The following ZSWIM6 variants were observed in gnomAD, a reference collection of about 807,000 sequenced individuals.
The protein encoded by ZSWIM6 is zinc finger SWIM domain-containing protein 6.
In ZSWIM6, 9 loss-of-function variants were observed where a neutral mutation model predicts 113.2. That is an observed-to-expected ratio of 0.08 (90% confidence interval 0.05 to 0.14). The LOEUF is 0.14. Among genes scored for constraint, ZSWIM6 ranks in the 10% least tolerant of loss-of-function variants. The pLI, the probability that ZSWIM6 is intolerant of heterozygous loss-of-function variation, is 1.00. For missense variants in ZSWIM6, 1,162 were observed against 1,552.2 expected (o/e 0.75, Z 4.22); for synonymous variants, 611 against 606.5 (o/e 1.01, Z -0.11).
intron 1 of ZSWIM6, among the ~76,000 whole-genome samples, chr5:61,407,740 T>G (rs1054459863): frequency 1.3e-5 from 2 of 152,210 alleles, no homozygotes; most frequent in Non-Finnish European, 2.9e-5. Context: ...ATGCCCAACT[T>G]CGTTCATAAT....
At chr5:61,511,123 A>G (rs1748776334) in intron 4 of ZSWIM6, among the ~76,000 whole-genome samples, 1 of 152,196 alleles carries the variant, frequency 6.6e-6, no homozygotes, top group Non-Finnish European at 1.5e-5. Context: ...TTAAGATAAA[A>G]GACCATATCT....
intron 4 of ZSWIM6, among the ~76,000 whole-genome samples, chr5:61,513,355 T>G (rs1748839785): frequency 6.6e-6 from 1 of 152,114 alleles, no homozygotes; most frequent in African/African-American, 2.4e-5. Context: ...TTGAGAGGAT[T>G]TACATATTCT....
chr5:61,543,923 A>G lies in ZSWIM6; in HGVS notation c.3254A>G (p.Asn1085Ser), dbSNP rs751434688. 10 of 1,551,866 alleles carry G rather than the reference A, an allele frequency of 6.4e-6. No individual in the cohort carries two copies. The South Asian group carries it at 9.5e-5, about 15-fold the overall frequency. The change falls in exon 14 of 14, where the codon AAT becomes AGT. Residue 1085 changes from asparagine (N) to serine (S), a missense_variant. Asn to Ser is a conservative substitution (Grantham distance 46). Coordinates refer to ENST00000252744, the MANE Select transcript of ZSWIM6 (RefSeq NM_020928.2). This position sits in a 1 kb window ranked among gnomAD's most constrained non-coding sequence, Gnocchi z 4.3. ...GCGCTTAGCCACTCCCTTGGTAAAA[A>G]TGAGCTTGCAGCTATAATACCTCTG... Reference protein sequence around the residue: ...ACALSHSLGKNELAAIIPLVV... With the variant: ...ACALSHSLGKSELAAIIPLVV...
At chr5:61,427,432 C>A (rs1397978764) in intron 1 of ZSWIM6, among the ~76,000 whole-genome samples, 1 of 152,132 alleles carries the variant, frequency 6.6e-6, no homozygotes, top group Admixed American at 6.5e-5. Flanking sequence ...CTGTACATGG[C>A]AAATTCAAGT....
intron 1 of ZSWIM6, among the ~76,000 whole-genome samples, chr5:61,383,125 C>T (rs1745519344): frequency 6.6e-6 from 1 of 152,224 alleles, no homozygotes; most frequent in Non-Finnish European, 1.5e-5. Flanking sequence ...GATCATCTTA[C>T]TTGAAAATGT....
intron 1 of ZSWIM6, chr5:61,391,148 G>T: frequency 1.3e-6 from 1 of 783,460 alleles, no homozygotes; most frequent in Non-Finnish European, 2.3e-6. Context: ...TGGGTCTTGT[G>T]GGGTAGCTTC....
chr5:61,361,259 G>A (rs1435760515), intron 1 of ZSWIM6, among the ~76,000 whole-genome samples: 1 of 152,048 alleles, frequency 6.6e-6, no homozygotes, highest in Non-Finnish European at 1.5e-5. Context: ...ACAAATAAAG[G>A]TAACTGAAAC....
intron 1 of ZSWIM6, among the ~76,000 whole-genome samples, chr5:61,408,274 G>A (rs1746081131): frequency 6.6e-6 from 1 of 152,186 alleles, no homozygotes. Flanking sequence ...TTTATCATGG[G>A]ATGAGAACAG....
chr5:61,463,082 G>A (rs1747351832), intron 1 of ZSWIM6, among the ~76,000 whole-genome samples: 1 of 152,104 alleles, frequency 6.6e-6, no homozygotes, highest in Admixed American at 6.5e-5. Flanking sequence ...CAGGGATGTT[G>A]TAAAACAGTC....
chr5:61,497,836 C>T (rs139194081), intron 4 of ZSWIM6, among the ~76,000 whole-genome samples: 422 of 152,314 alleles, frequency 2.8e-3, no homozygotes, highest in Non-Finnish European at 4.1e-3. Flanking sequence ...ATAGAACACA[C>T]ACCTCTTGAA....
At chr5:61,486,088 C>T (rs1048511046) in intron 2 of ZSWIM6, among the ~76,000 whole-genome samples, 1 of 151,870 alleles carries the variant, frequency 6.6e-6, no homozygotes, top group Non-Finnish European at 1.5e-5. Context: ...TACATTGTAC[C>T]CATTAAGTAA....
At chr5:61,346,369 T>C (rs1022606859) in intron 1 of ZSWIM6, among the ~76,000 whole-genome samples, 3 of 152,226 alleles carry the variant, frequency 2.0e-5, no homozygotes, top group African/African-American at 7.2e-5. Flanking sequence ...TTCATTGAAC[T>C]ATATCATAGT....
intron 6 of ZSWIM6, 40 bp downstream of exon 6, chr5:61,526,016 T>A (rs1238746300): frequency 2.6e-6 from 4 of 1,548,016 alleles, no homozygotes; most frequent in African/African-American, 1.4e-5. Flanking sequence ...ATGACTTACT[T>A]CTTTGTTTAG....
chr5:61,506,499 G>A (rs189741285), intron 4 of ZSWIM6, among the ~76,000 whole-genome samples: 56 of 151,822 alleles, frequency 3.7e-4, no homozygotes, highest in Non-Finnish European at 4.4e-4. Context: ...AGGAGAACTC[G>A]AGAGGCAGAG....
intron 1 of ZSWIM6, among the ~76,000 whole-genome samples, chr5:61,349,004 T>A (rs539042464): frequency 4.6e-5 from 7 of 152,288 alleles, no homozygotes; most frequent in East Asian, 1.9e-4. Context: ...CAGTTTTTTT[T>A]AATGAGAAAT....
intron 1 of ZSWIM6, among the ~76,000 whole-genome samples, chr5:61,368,512 T>G (rs930683716): frequency 6.6e-5 from 10 of 152,202 alleles, no homozygotes; most frequent in African/African-American, 2.4e-4. Flanking sequence ...CTCTGAGCAG[T>G]CTGCCTTTGG....
At chr5:61,424,021 G>T (rs1746410942) in intron 1 of ZSWIM6, among the ~76,000 whole-genome samples, 1 of 152,112 alleles carries the variant, frequency 6.6e-6, no homozygotes, top group Non-Finnish European at 1.5e-5. Flanking sequence ...GATCACTTCT[G>T]CTGATGGCCA....
rs1749267753 is a variant in ZSWIM6, at chr5:61,525,974, A to G, written c.1688A>G (p.His563Arg). Residue 563 changes from histidine (H) to arginine (R), a missense_variant and splice_region_variant, in exon 6 of 14, where the codon CAT becomes CGT. By Grantham distance (29) the His-to-Arg change is conservative. This residue lies in a region of ZSWIM6 where 620 missense variants were observed against 804.6 expected (regional missense o/e 0.77). Transcript: ENST00000252744. ...LFDSRGWPLW[H>R]EHVPTACARV... Reference sequence around the variant, plus strand: ...GACTCCCGCGGGTGGCCCCTCTGGCATGGTAAGTGACCAAACCGGAAAGAC... The same window carrying G: ...GACTCCCGCGGGTGGCCCCTCTGGCGTGGTAAGTGACCAAACCGGAAAGAC... 2.6e-6 allele frequency: 4 copies of G among 1,552,094 alleles called. No individual in the cohort carries two copies. The East Asian group carries it at 9.8e-5, about 38-fold the overall frequency.
chr5:61,543,749 A>G lies in ZSWIM6; in HGVS notation c.3080A>G (p.Tyr1027Cys), dbSNP rs757311369. ...GACGCTGCTACGACTGGCATGAGCT[A>G]TACACAGCTCTTTACAATAGCACGG... ...VLDAATTGMS[Y>C]TQLFTIARYM... Residue 1027 changes from tyrosine to cysteine, a missense_variant, in exon 14 of 14, where the codon TAT becomes TGT. Tyr to Cys is a radical substitution (Grantham distance 194). Coordinates refer to ENST00000252744, the MANE Select transcript of ZSWIM6 (RefSeq NM_020928.2). This position sits in a 1 kb window ranked among gnomAD's most constrained non-coding sequence, Gnocchi z 4.3. 1 of 1,551,790 alleles carries G rather than the reference A, an allele frequency of 6.4e-7. No individual in the cohort carries two copies. The highest frequency in any genetic ancestry group is 8.7e-7 in the Non-Finnish European group (1 of 1,147,020).
Sources: allele counts gnomAD v4.1 joint callset (sites outside exome capture counted in the v4.1 genomes callset), GRCh38; gene constraint gnomAD v4.1.1; regional missense constraint gnomAD v4.1.1; non-coding constraint Gnocchi (gnomAD v3.1); transcripts MANE v1.5; gene names NCBI Gene and HGNC (gene_info 2026-07-23, HGNC 2026-07-21).